The following INSYN2B variants were observed in gnomAD, a reference collection of about 807,000 sequenced individuals.
The protein encoded by INSYN2B is protein INSYN2B.
INSYN2B carries 16 observed loss-of-function variants against 41.2 expected under a neutral mutation model. That is an observed-to-expected ratio of 0.39 (90% CI 0.26 to 0.59). The LOEUF (loss-of-function observed/expected upper bound fraction) is 0.59, where lower values mean the gene tolerates loss of function less well. INSYN2B is among the 20% of genes least tolerant of loss of function. The probability of loss-of-function intolerance (pLI) is 0.57; values close to 1 mark genes in which losing one functional copy is unlikely to be tolerated. For missense variants in INSYN2B, 608 were observed against 646.4 expected, an observed-to-expected ratio of 0.94 and a Z score of 0.64; for synonymous variants, 245 against 244.4, an observed-to-expected ratio of 1.00 and a Z score of -0.02.
intron 1 of INSYN2B, among the ~76,000 whole-genome samples, chr5:169,973,997 G>C (rs1292834870): frequency 6.6e-6 from 1 of 152,164 alleles, no homozygotes; most frequent in African/African-American, 2.4e-5. Context: ...AGGGGGAGAG[G>C]TGGTGAGGTG....
At chr5:169,920,890 G>C (rs777211686) in intron 1 of INSYN2B, among the ~76,000 whole-genome samples, 1 of 152,210 alleles carries the variant, frequency 6.6e-6, no homozygotes, top group African/African-American at 2.4e-5. Flanking sequence ...GTAGTGGGCA[G>C]TTGTTTTCCT....
chr5:169,933,597 C>T (rs1775858722), intron 1 of INSYN2B, among the ~76,000 whole-genome samples: 2 of 152,318 alleles, frequency 1.3e-5, no homozygotes, highest in East Asian at 1.9e-4. Context: ...TTTAGTCCAG[C>T]TCCTTCCCTT....
chr5:169,883,876 A>G lies in INSYN2B; in HGVS notation c.23T>C (p.Val8Ala). The G allele has an allele frequency of 2.0e-6, 3 of 1,511,340 alleles. No homozygotes were observed. Among genetic ancestry groups the G allele is most frequent in the Non-Finnish European group, 1.8e-6 (2 of 1,125,916 alleles). 93.6% of individuals were successfully genotyped at this position (1,511,340 alleles called of 1,614,324 possible). A position where few individuals can be genotyped will look rare whatever the true frequency, so the allele number is the denominator to read the frequency against. ...GTTACGCTTTAGAAGCACAGGTCTC[A>G]CTTTCATATTTTGCTGGGCCATTGA... MAQQNMK[V>A]RPVLLKRNSL... The change falls in exon 2 of 4, where the codon GTG becomes GCG. Residue 8 changes from valine to alanine, a missense_variant. Transcript: ENST00000377365.
At position 169,884,466 on chromosome 5, in the gene INSYN2B, G is replaced by T. The variant is rs1250236803; in HGVS notation, c.-568C>A. The stretch of plus-strand genomic sequence containing the variant: ...GGAGAAATAAATGACCTGGAGGTTT[G>T]CTTGTTTGATGATACATGATGCTCC... On this transcript the variant is annotated 5_prime_UTR_variant, in exon 2 of 4. Coordinates refer to ENST00000377365, the MANE Select transcript of INSYN2B (RefSeq NM_001129891.3). 6.6e-6 allele frequency: 1 copy of T among 152,222 alleles called. No homozygotes were observed. Among genetic ancestry groups the T allele is most frequent in the African/African-American group, 2.4e-5 (1 of 41,452 alleles). 9.4% of individuals were successfully genotyped at this position (152,222 alleles called of 1,614,324 possible).
At chr5:169,930,463 C>G (rs1161500806) in intron 1 of INSYN2B, among the ~76,000 whole-genome samples, 1 of 152,148 alleles carries the variant, frequency 6.6e-6, no homozygotes, top group African/African-American at 2.4e-5. Context: ...GACAATTTCC[C>G]TTCTCCTCTG....
At chr5:169,875,964 T>TGGAG (rs1253698805) in intron 3 of INSYN2B, 1 of 152,284 alleles carries the variant, frequency 6.6e-6, no homozygotes, top group Non-Finnish European at 1.5e-5. Context: ...CTTACAGTTC[T>TGGAG]GGAGGGCAGA....
chr5:169,885,152 C>T (rs1188210328), intron 1 of INSYN2B, among the ~76,000 whole-genome samples: 1 of 152,212 alleles, frequency 6.6e-6, no homozygotes, highest in Non-Finnish European at 1.5e-5. Context: ...CACATCAGGA[C>T]CCATTGTACA....
intron 3 of INSYN2B, among the ~76,000 whole-genome samples, chr5:169,866,355 AG>A (rs565033126): frequency 8.5e-5 from 13 of 152,332 alleles, no homozygotes; most frequent in African/African-American, 2.9e-4. Context: ...AAAGCCCCAC[AG>A]TTTCACTGTG....
chr5:169,900,576 T>C (rs191738733), intron 1 of INSYN2B, among the ~76,000 whole-genome samples: 2 of 152,328 alleles, frequency 1.3e-5, no homozygotes, highest in Admixed American at 6.5e-5. Flanking sequence ...AACCTAAATG[T>C]CGAGTCTCTC....
intron 1 of INSYN2B, among the ~76,000 whole-genome samples, chr5:169,972,908 C>G (rs998887703): frequency 2.0e-5 from 3 of 152,148 alleles, no homozygotes; most frequent in African/African-American, 7.2e-5. Context: ...CAACCACCCC[C>G]CTCCCCAATA....
Position 169,862,823 on chromosome 5 carries a change from G to A in INSYN2B, c.*1450C>T, listed in dbSNP as rs1401502578. Reference sequence around the variant, plus strand: ...GCTCAATTAGGCTCAATTTGCAGTGGGGTAGGTACATCCCACGAACACACA... The same window carrying A: ...GCTCAATTAGGCTCAATTTGCAGTGAGGTAGGTACATCCCACGAACACACA... On this transcript the variant is annotated 3_prime_UTR_variant, in exon 4 of 4. Coordinates refer to ENST00000377365, the MANE Select transcript of INSYN2B (RefSeq NM_001129891.3). 1.3e-5 allele frequency among the ~76,000 whole-genome samples: 2 copies of A among 152,178 alleles called. No homozygotes were observed. Among genetic ancestry groups the A allele is most frequent in the Non-Finnish European group, 2.9e-5 (2 of 68,040 alleles).
chr5:169,928,982 A>C (rs1196837552), intron 1 of INSYN2B, among the ~76,000 whole-genome samples: 3 of 152,182 alleles, frequency 2.0e-5, no homozygotes, highest in African/African-American at 7.2e-5. Context: ...AAGGCCAAAC[A>C]TGTAGGATGA....
intron 1 of INSYN2B, among the ~76,000 whole-genome samples, chr5:169,926,928 AG>A (rs1188849018): frequency 6.6e-6 from 1 of 152,250 alleles, no homozygotes; most frequent in African/African-American, 2.4e-5. Flanking sequence ...GGAGCAGAAT[AG>A]GGAAGAACTA....
chr5:169,904,910 C>T (rs374515047), intron 1 of INSYN2B, among the ~76,000 whole-genome samples: 6 of 152,106 alleles, frequency 3.9e-5, no homozygotes, highest in African/African-American at 1.2e-4. Flanking sequence ...GGGAAGAAAC[C>T]GGCTCTGGAA....
chr5:169,955,415 G>A (rs1416478489), intron 1 of INSYN2B, among the ~76,000 whole-genome samples: 1 of 152,128 alleles, frequency 6.6e-6, no homozygotes, highest in Non-Finnish European at 1.5e-5. Flanking sequence ...GACTGGGAGG[G>A]AAGAAAGGAG....
intron 3 of INSYN2B, among the ~76,000 whole-genome samples, chr5:169,867,649 TACC>T: frequency 1.3e-5 from 2 of 151,906 alleles, no homozygotes; most frequent in African/African-American, 4.8e-5. Flanking sequence ...TCTATCTATC[TACC>T]TCTAGCATCT....
intron 1 of INSYN2B, among the ~76,000 whole-genome samples, chr5:169,904,454 G>A (rs1010296164): frequency 3.3e-5 from 5 of 152,088 alleles, no homozygotes; most frequent in African/African-American, 1.2e-4. Context: ...CTCACTTCTG[G>A]GCAGCTTCCC....
chr5:169,899,963 A>C (rs1348940614), intron 1 of INSYN2B, among the ~76,000 whole-genome samples: 1 of 152,222 alleles, frequency 6.6e-6, no homozygotes, highest in African/African-American at 2.4e-5. Context: ...CACTAAGATC[A>C]TGAGAGTCTC....
intron 1 of INSYN2B, among the ~76,000 whole-genome samples, chr5:169,960,694 C>G (rs1777048904): frequency 6.6e-6 from 1 of 152,148 alleles, no homozygotes; most frequent in Non-Finnish European, 1.5e-5. Context: ...CCCCTCCTCC[C>G]ACAATCCATG....
Sources: allele counts gnomAD v4.1 joint callset (sites outside exome capture counted in the v4.1 genomes callset), GRCh38; gene constraint gnomAD v4.1.1; transcripts MANE v1.5; gene names NCBI Gene and HGNC (gene_info 2026-07-23, HGNC 2026-07-21).